Variants in MINDY4 observed in about 807,000 individuals in gnomAD.
MINDY4 encodes probable ubiquitin carboxyl-terminal hydrolase MINDY-4.
MINDY4 carries 68 observed loss-of-function variants against 87.0 expected under a neutral mutation model. The observed-to-expected ratio is 0.78, with a 90% CI of 0.64 to 0.96. MINDY4 has a LOEUF of 0.96. MINDY4 is among the 40% of genes least tolerant of loss of function. The pLI is 0.00. For synonymous variants in MINDY4, 379 were observed against 363.2 expected (o/e 1.04, Z -0.50); for missense variants, 919 against 928.2 (o/e 0.99, Z 0.13).
At chr7:30,804,128 C>A (rs1447242266) in intron 5 of MINDY4, among the ~76,000 whole-genome samples, 2 of 151,722 alleles carry the variant, frequency 1.3e-5, no homozygotes, top group East Asian at 1.9e-4. Flanking sequence ...GGAAAGATGG[C>A]CCCTGATGCT....
intron 3 of MINDY4, among the ~76,000 whole-genome samples, chr7:30,785,541 T>TA (rs1787138494): frequency 6.6e-6 from 1 of 152,254 alleles, no homozygotes; most frequent in African/African-American, 2.4e-5. Flanking sequence ...TTTGCTTGTT[T>TA]ACTGGTCTTA....
intron 10 of MINDY4, among the ~76,000 whole-genome samples, chr7:30,850,770 T>C (rs545347673): frequency 6.6e-6 from 1 of 152,312 alleles, no homozygotes; most frequent in East Asian, 1.9e-4. Context: ...CTCTCTGGGC[T>C]CCAGTTCTCA....
chr7:30,775,783 C>T (rs1786792024), intron 1 of MINDY4, among the ~76,000 whole-genome samples: 1 of 152,186 alleles, frequency 6.6e-6, no homozygotes, highest in Admixed American at 6.5e-5. Flanking sequence ...AATCTATGTG[C>T]CAGGAACCTG....
chr7:30,875,622 T>A lies in MINDY4; in HGVS notation c.1937T>A (p.Phe646Tyr). 6.2e-7 allele frequency: 1 copy of A among 1,613,804 alleles called. No individual in the cohort carries two copies. The highest frequency in any genetic ancestry group is 1.3e-5 in the African/African-American group (1 of 75,032). Reference sequence around the variant, plus strand: ...ATTGCTGCACGCAGTGATATTGGCTTCTTATCTCTCTTTGAGCATTACAAC... The same window carrying A: ...ATTGCTGCACGCAGTGATATTGGCTACTTATCTCTCTTTGAGCATTACAAC... ...RGIAARSDIG[F>Y]LSLFEHYNMC... Residue 646 changes from phenylalanine (F) to tyrosine (Y), a missense_variant, in exon 15 of 18, where the codon TTC (phenylalanine) becomes TAC (tyrosine). Coordinates refer to ENST00000265299, the MANE Select transcript of MINDY4 (RefSeq NM_032222.3).
chr7:30,856,652 T>C (rs911969034), intron 12 of MINDY4, among the ~76,000 whole-genome samples: 1 of 152,044 alleles, frequency 6.6e-6, no homozygotes, highest in East Asian at 1.9e-4. Context: ...TGTATGTCCA[T>C]GGCAGAAGTA....
At chr7:30,814,127 C>A (rs1788083444) in intron 5 of MINDY4, among the ~76,000 whole-genome samples, 1 of 152,220 alleles carries the variant, frequency 6.6e-6, no homozygotes, top group African/African-American at 2.4e-5. Context: ...CTGAAACTTA[C>A]ACAATCTGAG....
intron 13 of MINDY4, among the ~76,000 whole-genome samples, chr7:30,863,554 C>T (rs1412139669): frequency 6.6e-6 from 1 of 152,192 alleles, no homozygotes; most frequent in East Asian, 1.9e-4. Flanking sequence ...TGCCTGGGCA[C>T]TGGAGGCTTC....
At position 30,825,643 on chromosome 7, in the gene MINDY4, G is replaced by A. The variant is rs1788477138; in HGVS notation, c.1074-3036G>A. 1.3e-5 allele frequency among the ~76,000 whole-genome samples: 2 copies of A among 152,222 alleles called. 1 individual carries two copies. The highest frequency in any genetic ancestry group is 4.8e-5 in the African/African-American group (2 of 41,450). The stretch of plus-strand genomic sequence containing the variant: ...ATCCTGACTCTGGCACTTCTAAGTT[G>A]TGTGACCTTGTGTAAGCCACCTAAC... On this transcript the variant is annotated intron_variant, in intron 5 of 17. Transcript: ENST00000265299.
At position 30,882,372 on chromosome 7, in the gene MINDY4, T is replaced by TCACCCCCCCCCCCCCCCCCCCCCCCC; in HGVS notation, c.2152+20_2152+21insCCCCCCCCCCCCCCCCCCACCCCCCC. The TCACCCCCCCCCCCCCCCCCCCCCCCC allele has an allele frequency of 6.6e-7, 1 of 1,521,500 alleles. No individual in the cohort carries two copies. The highest frequency in any genetic ancestry group is 8.9e-7 in the Non-Finnish European group (1 of 1,127,556). 94.2% of individuals were successfully genotyped at this position (1,521,500 alleles called of 1,614,324 possible). A position where few individuals can be genotyped will look rare whatever the true frequency, so the allele number is the denominator to read the frequency against. On this transcript the variant is annotated intron_variant, in intron 16 of 17. Coordinates refer to ENST00000265299, the MANE Select transcript of MINDY4 (RefSeq NM_032222.3). ...TCCGGCTGACCATTGGTGCGGGCCCTCACCCCCCCACCCACCCAACCCTGT... is the reference window on the plus strand; with the variant it reads ...TCCGGCTGACCATTGGTGCGGGCCCTCACCCCCCCCCCCCCCCCCCCCCCCCCACCCCCCCACCCACCCAACCCTGT...
chr7:30,859,362 T>C, intron 13 of MINDY4, 38 bp downstream of exon 13: 1 of 1,595,066 alleles, frequency 6.3e-7, no homozygotes, highest in East Asian at 2.2e-5. Flanking sequence ...GGGGCTGGGC[T>C]GGTCTGTCTT....
At chr7:30,888,121 T>A (rs1790688911) in intron 17 of MINDY4, among the ~76,000 whole-genome samples, 1 of 152,172 alleles carries the variant, frequency 6.6e-6, no homozygotes, top group African/African-American at 2.4e-5. Context: ...TCCATCAACG[T>A]TGAAAAGCAG....
intron 5 of MINDY4, among the ~76,000 whole-genome samples, chr7:30,808,361 C>T (rs892520552): frequency 2.6e-5 from 4 of 152,240 alleles, no homozygotes; most frequent in African/African-American, 9.6e-5. Context: ...ACTTGGATTG[C>T]TTGATACTTT....
chr7:30,814,378 G>C (rs552243418), intron 5 of MINDY4, among the ~76,000 whole-genome samples: 1 of 152,210 alleles, frequency 6.6e-6, no homozygotes, highest in Admixed American at 6.5e-5. Context: ...CTTATTTCAA[G>C]ATTATGTCAA....
At chr7:30,840,954 T>C in intron 9 of MINDY4, 106 bp downstream of exon 9, 1 of 1,002,030 alleles carries the variant, frequency 1.0e-6, no homozygotes, top group Non-Finnish European at 1.5e-6. Flanking sequence ...ATTTCCTGTC[T>C]TCTGCAGGTC....
chr7:30,838,078 G>A lies in MINDY4; in HGVS notation c.1240-1122G>A, dbSNP rs561344890. ...CTGTAGAATCCACCTGCTGGTCTTG[G>A]GGCTCACTCAAGGCTTCAGAGACCC... On this transcript the variant is annotated intron_variant, in intron 7 of 17. Transcript: ENST00000265299. Among the ~76,000 whole-genome samples, 11 of 152,314 alleles carry A rather than the reference G, an allele frequency of 7.2e-5. No individual in the cohort carries two copies. In the East Asian group the frequency reaches 2.1e-3, roughly 29 times the overall value.
At position 30,892,007 on chromosome 7, in the gene MINDY4, C is replaced by T. The variant is rs569579560; in HGVS notation, c.*2C>T. 26 of 1,614,140 alleles carry T rather than the reference C, an allele frequency of 1.6e-5. No individual in the cohort carries two copies. The highest frequency in any genetic ancestry group is 1.1e-4 in the South Asian group (10 of 91,078). ...AACGGCTCAGACCCCATCCTGTGACCGTTGGATGTGGGTAAACCCTGTGGT... is the reference window on the plus strand; with the variant it reads ...AACGGCTCAGACCCCATCCTGTGACTGTTGGATGTGGGTAAACCCTGTGGT... On this transcript the variant is annotated 3_prime_UTR_variant, in exon 18 of 18. Transcript: ENST00000265299.
intron 5 of MINDY4, among the ~76,000 whole-genome samples, chr7:30,806,733 T>C (rs1787817658): frequency 6.6e-6 from 1 of 152,266 alleles, no homozygotes; most frequent in African/African-American, 2.4e-5. Flanking sequence ...CATTTCCTTC[T>C]TTTTTTATTG....
rs1790809368 is a variant in MINDY4 at position 30,892,089 on chromosome 7, A to G, written c.*84A>G. ...CAGCTGAACCCCAAGCCTCTGGGGCAGGTCTCATGTACCCCAACCTGGGTC... is the reference window on the plus strand; with the variant it reads ...CAGCTGAACCCCAAGCCTCTGGGGCGGGTCTCATGTACCCCAACCTGGGTC... On this transcript the variant is annotated 3_prime_UTR_variant, in exon 18 of 18. Coordinates refer to ENST00000265299, the MANE Select transcript of MINDY4 (RefSeq NM_032222.3). 3.4e-6 allele frequency: 5 copies of G among 1,479,798 alleles called. No individual in the cohort carries two copies. The highest frequency in any genetic ancestry group is 4.7e-6 in the Non-Finnish European group (5 of 1,059,092). 91.7% of individuals were successfully genotyped at this position (1,479,798 alleles called of 1,614,324 possible).
At chr7:30,879,027 AAT>A (rs1353816883) in intron 15 of MINDY4, among the ~76,000 whole-genome samples, 2 of 152,224 alleles carry the variant, frequency 1.3e-5, no homozygotes, top group African/African-American at 4.8e-5. Context: ...GATCTTTAAA[AAT>A]ATACACACAA....
Sources: allele counts gnomAD v4.1 joint callset (sites outside exome capture counted in the v4.1 genomes callset), GRCh38; gene constraint gnomAD v4.1.1; transcripts MANE v1.5; gene names NCBI Gene and HGNC (gene_info 2026-07-23, HGNC 2026-07-21).